TESK2: variants seen among roughly 807,000 people sequenced by gnomAD.
The protein encoded by TESK2 is testis associated actin remodelling kinase 2.
Under a neutral mutation model 57.1 loss-of-function variants are expected in TESK2, and 39 were observed. That is an observed-to-expected ratio of 0.68 (90% CI 0.53 to 0.89). The LOEUF is 0.89. TESK2 is among the 40% of genes least tolerant of loss of function. The probability of loss-of-function intolerance (pLI) is 0.00; values close to 1 mark genes in which losing one functional copy is unlikely to be tolerated. For missense variants in TESK2, 646 were observed against 732.1 expected (o/e 0.88, Z 1.36); for synonymous variants, 249 against 267.9 (o/e 0.93, Z 0.69).
chr1:45,406,419 G>T (rs1649850653), intron 3 of TESK2, among the ~76,000 whole-genome samples: 1 of 152,140 alleles, frequency 6.6e-6, no homozygotes, highest in Non-Finnish European at 1.5e-5. Context: ...GCTGAAGTGG[G>T]ATGATCACTT....
intron 1 of TESK2, among the ~76,000 whole-genome samples, chr1:45,476,890 T>C (rs1653018875): frequency 1.3e-5 from 2 of 151,260 alleles, no homozygotes; most frequent in South Asian, 4.2e-4. Context: ...CTCATGCCTA[T>C]AATCCTACCA....
chr1:45,442,948 G>A (rs1651501078), intron 2 of TESK2, among the ~76,000 whole-genome samples: 1 of 152,154 alleles, frequency 6.6e-6, no homozygotes, highest in Non-Finnish European at 1.5e-5. Flanking sequence ...ATCGCACCTG[G>A]CTAATTTTAG....
intron 3 of TESK2, among the ~76,000 whole-genome samples, chr1:45,404,419 G>A (rs868419211): frequency 6.6e-6 from 1 of 152,128 alleles, no homozygotes; most frequent in Non-Finnish European, 1.5e-5. Context: ...GGGAACAAAC[G>A]ATGGTGATGT....
intron 3 of TESK2, among the ~76,000 whole-genome samples, chr1:45,393,359 C>T (rs1292551847): frequency 2.0e-5 from 3 of 152,190 alleles, no homozygotes; most frequent in African/African-American, 7.2e-5. Flanking sequence ...ACTGCCTAAC[C>T]TCTCCCAAAT....
Position 45,444,233 on chromosome 1 carries a change from T to C in TESK2, c.222+13331A>G, listed in dbSNP as rs77337074. Among the ~76,000 whole-genome samples, 83 of 151,508 alleles carry C rather than the reference T, an allele frequency of 5.5e-4. No individual in the cohort carries two copies. In the East Asian group the frequency reaches 0.013, roughly 24 times the overall value. On this transcript the variant is annotated intron_variant, in intron 2 of 10. Transcript: ENST00000372086. ...ATGGTCTCTGTTACAAAGTACTCGA[T>C]GAGTACAGATGTGTTCCAATAAAAC...
intron 1 of TESK2, among the ~76,000 whole-genome samples, chr1:45,485,883 G>T (rs1653457787): frequency 7.2e-6 from 1 of 138,762 alleles, no homozygotes. Flanking sequence ...TCTATTCAAA[G>T]ATTAAATGTA....
At chr1:45,349,233 G>A (rs1265401323) in intron 5 of TESK2, among the ~76,000 whole-genome samples, 3 of 151,940 alleles carry the variant, frequency 2.0e-5, no homozygotes, top group Non-Finnish European at 4.4e-5. Context: ...GCCTTGACAT[G>A]ATTACACTAT....
intron 1 of TESK2, among the ~76,000 whole-genome samples, chr1:45,480,816 C>T (rs988810122): frequency 3.3e-5 from 5 of 150,574 alleles, no homozygotes; most frequent in Non-Finnish European, 5.9e-5. Context: ...GGTTAAACCC[C>T]GTCTTTACTA....
intron 4 of TESK2, 107 bp from the exon 5 acceptor site, chr1:45,355,556 T>C (rs1647385023): frequency 7.5e-7 from 1 of 1,339,252 alleles, no homozygotes; most frequent in Non-Finnish European, 1.0e-6. Context: ...TATTTTTTTT[T>C]TAAGTTACTG....
chr1:45,347,938 A>G lies in TESK2; in HGVS notation c.603T>C (p.Ala201=), dbSNP rs769630797. ...CACACCTGACATCGGGGATCTTCTC[A>G]GCCAGGCCAAAGTCAGCTACCACTG... ...YSAVVADFGL[A]EKIPDVSMGS... Residue 201 remains alanine, a synonymous_variant, in exon 6 of 11, where the codon GCT becomes GCC. Coordinates refer to ENST00000372086, the MANE Select transcript of TESK2 (RefSeq NM_007170.3). The G allele has an allele frequency of 4.3e-6, 7 of 1,613,626 alleles. No individual in the cohort carries two copies. Among genetic ancestry groups the G allele is most frequent in the Middle Eastern group, 1.6e-4 (1 of 6,062 alleles).
intron 1 of TESK2, among the ~76,000 whole-genome samples, chr1:45,472,973 T>TAA (rs1023886539): frequency 2.2e-3 from 222 of 100,824 alleles, no homozygotes; most frequent in South Asian, 0.022. Context: ...CTGTCTCTAC[T>TAA]AAAAAAAAAA....
chr1:45,373,028 C>CAAAAAAAA (rs200182758), intron 4 of TESK2, among the ~76,000 whole-genome samples: 2 of 61,040 alleles, frequency 3.3e-5, no homozygotes, highest in East Asian at 4.7e-4. Flanking sequence ...ATCTCCGTCT[C>CAAAAAAAA]AAAAAAAAAA....
Position 45,385,710 on chromosome 1 carries a change from G to GTATATATATATATA in TESK2, c.393+188_393+201dup, listed in dbSNP as rs754585734. ...ACTTAAAGTGTATGTGTGTGTGTGT[G>GTATATATATATATA]TATATATATATATATATATATATAT... On this transcript the variant is annotated intron_variant, in intron 4 of 10. Coordinates refer to ENST00000372086, the MANE Select transcript of TESK2 (RefSeq NM_007170.3). 1.8e-3 allele frequency among the ~76,000 whole-genome samples: 249 copies of GTATATATATATATA among 135,258 alleles called. 5 individuals are homozygous for GTATATATATATATA. Among genetic ancestry groups the GTATATATATATATA allele is most frequent in the African/African-American group, 6.6e-3 (223 of 33,810 alleles). 88.7% of individuals were successfully genotyped at this position (135,258 alleles called of 152,430 possible).
At chr1:45,467,117 T>C (rs1376295793) in intron 1 of TESK2, among the ~76,000 whole-genome samples, 4 of 151,996 alleles carry the variant, frequency 2.6e-5, no homozygotes, top group African/African-American at 9.7e-5. Flanking sequence ...CTAATAAAAT[T>C]TTGTTTCCTT....
intron 2 of TESK2, among the ~76,000 whole-genome samples, chr1:45,423,385 G>A (rs1650559879): frequency 6.6e-6 from 1 of 151,804 alleles, no homozygotes; most frequent in Non-Finnish European, 1.5e-5. Context: ...GTGAAATCCC[G>A]TCTCTACTAA....
At chr1:45,434,644 T>G (rs889563833) in intron 2 of TESK2, among the ~76,000 whole-genome samples, 8 of 152,276 alleles carry the variant, frequency 5.3e-5, no homozygotes, top group Admixed American at 2.0e-4. Flanking sequence ...TTTCTGTTCA[T>G]GTCCTTTGCC....
chr1:45,416,740 C>T (rs1344511502), intron 3 of TESK2, among the ~76,000 whole-genome samples: 3 of 151,968 alleles, frequency 2.0e-5, no homozygotes, highest in African/African-American at 4.8e-5. Flanking sequence ...TTTCCTCCCC[C>T]ATCCCATCCA....
intron 3 of TESK2, among the ~76,000 whole-genome samples, 173 bp downstream of exon 3, chr1:45,421,552 C>G (rs866841294): frequency 3.3e-5 from 5 of 152,128 alleles, no homozygotes; most frequent in South Asian, 2.1e-4. Context: ...AGTTAATTAC[C>G]AATAAATTAA....
chr1:45,465,525 A>G (rs997010239), intron 1 of TESK2, among the ~76,000 whole-genome samples: 15 of 152,046 alleles, frequency 9.9e-5, no homozygotes, highest in Admixed American at 3.9e-4. Context: ...AGAAAGAAAA[A>G]GAGAAAAAGA....
Sources: gnomAD v4.1 joint callset for allele counts (sites outside exome capture counted in the v4.1 genomes callset) on GRCh38, gnomAD v4.1.1 for gene constraint, MANE v1.5 for transcripts, NCBI Gene and HGNC (gene_info 2026-07-23, HGNC 2026-07-21) for gene names.